Variants in DEPDC5 observed in about 807,000 individuals in gnomAD.
DEPDC5 encodes GATOR1 complex protein DEPDC5.
Under a neutral mutation model 217.3 loss-of-function variants are expected in DEPDC5, and 73 were observed. The observed-to-expected ratio is 0.34, with a 90% CI of 0.28 to 0.41. The LOEUF (loss-of-function observed/expected upper bound fraction) is 0.41, where lower values mean the gene tolerates loss of function less well. DEPDC5 is among the 10% of genes least tolerant of loss of function. The pLI, the probability that DEPDC5 is intolerant of heterozygous loss-of-function variation, is 1.00. For synonymous variants in DEPDC5, 733 were observed against 756.7 expected, an observed-to-expected ratio of 0.97 and a Z score of 0.51; for missense variants, 1,675 against 2,070.1, an observed-to-expected ratio of 0.81 and a Z score of 3.70.
intron 31 of DEPDC5, among the ~76,000 whole-genome samples, chr22:31,847,392 T>A (rs2091800544): frequency 6.6e-6 from 1 of 151,312 alleles, no homozygotes; most frequent in Non-Finnish European, 1.5e-5. Flanking sequence ...TATTAGTCCA[T>A]TCTCACACTG....
At chr22:31,765,140 G>A in intron 5 of DEPDC5, 80 bp downstream of exon 5, 1 of 1,111,098 alleles carries the variant, frequency 9.0e-7, no homozygotes, top group Non-Finnish European at 1.4e-6. Flanking sequence ...GAAACAATGG[G>A]TTACTTAAGT....
At chr22:31,794,395 C>T (rs1165586721) in intron 12 of DEPDC5, among the ~76,000 whole-genome samples, 1 of 151,964 alleles carries the variant, frequency 6.6e-6, no homozygotes, top group African/African-American at 2.4e-5. Flanking sequence ...TGAGCATGAT[C>T]AGTTATACAA....
Position 31,792,115 on chromosome 22 carries a change from T to C in DEPDC5, c.694+13T>C. The C allele has an allele frequency of 6.3e-7, 1 of 1,588,434 alleles. No homozygotes were observed. Among genetic ancestry groups the C allele is most frequent in the Non-Finnish European group, 8.6e-7 (1 of 1,158,358 alleles). On this transcript the variant is annotated intron_variant, in intron 11 of 42. Transcript: ENST00000651528. ...GCAAAATCTGTTGGTGAGTAACTAT[T>C]TCTCTCCTACAGTTATGTTTTTGTT...
chr22:31,816,390 C>G (rs749136230), intron 21 of DEPDC5: 3 of 150,574 alleles, frequency 2.0e-5, no homozygotes, highest in Admixed American at 1.3e-4. Context: ...TATTCCCATA[C>G]TATCAGTTTT....
At chr22:31,769,333 T>A (rs1401379859) in intron 7 of DEPDC5, 1 of 151,508 alleles carries the variant, frequency 6.6e-6, no homozygotes, top group Non-Finnish European at 1.5e-5. Context: ...GTTTGAGGCT[T>A]ATTAATGGAA....
At chr22:31,887,993 A>G (rs2093354547) in intron 38 of DEPDC5, among the ~76,000 whole-genome samples, 2 of 152,110 alleles carry the variant, frequency 1.3e-5, no homozygotes, top group Non-Finnish European at 2.9e-5. Context: ...TTTTGTTTCA[A>G]CATGTTCCTT....
intron 40 of DEPDC5, among the ~76,000 whole-genome samples, chr22:31,900,099 T>G (rs1383414672): frequency 6.6e-6 from 1 of 152,120 alleles, no homozygotes; most frequent in African/African-American, 2.4e-5. Flanking sequence ...CAGGCTGGAG[T>G]GCAGTGGCGC....
At position 31,821,616 on chromosome 22, in the gene DEPDC5, C is replaced by A. The variant is rs369804656; in HGVS notation, c.1985C>A (p.Ala662Glu). The A allele has an allele frequency of 6.2e-7, 1 of 1,613,702 alleles. No homozygotes were observed. The highest frequency in any genetic ancestry group is 8.5e-7 in the Non-Finnish European group (1 of 1,179,712). The change falls in exon 23 of 43, where the codon GCA becomes GAA. Residue 662 changes from alanine to glutamate, a missense_variant. Physicochemically the swap from Ala to Glu is moderately radical, Grantham distance 107 (BLOSUM62 -1). Coordinates refer to ENST00000651528, the MANE Select transcript of DEPDC5 (RefSeq NM_001242896.3). ...THSSAELLEL[A>E]YHEAAGRHSN... is the part of the protein sequence containing the mutation. ...TCCTCTGCAGAGCTGCTGGAGTTAG[C>A]ATATCATGAAGCTGCTGGAAGGTGA...
chr22:31,763,417 A>G (rs932391186), intron 4 of DEPDC5, among the ~76,000 whole-genome samples: 1 of 149,218 alleles, frequency 6.7e-6, no homozygotes, highest in Non-Finnish European at 1.5e-5. Flanking sequence ...GAGCCACTGC[A>G]CCATTGCCCC....
chr22:31,763,744 ATT>A (rs2082593693), intron 4 of DEPDC5, among the ~76,000 whole-genome samples: 1 of 151,972 alleles, frequency 6.6e-6, no homozygotes, highest in Admixed American at 6.6e-5. Flanking sequence ...ATCCACTCAT[ATT>A]TAACAATTCA....
intron 33 of DEPDC5, 69 bp from the exon 34 acceptor site, chr22:31,870,521 C>T (rs2092811406): frequency 2.1e-6 from 3 of 1,412,396 alleles, no homozygotes; most frequent in South Asian, 1.6e-5. Flanking sequence ...TAAGCCAGTA[C>T]AGCTTATTTA....
chr22:31,801,019 G>C (rs2086813391), intron 14 of DEPDC5, among the ~76,000 whole-genome samples: 1 of 150,390 alleles, frequency 6.6e-6, no homozygotes, highest in Admixed American at 6.7e-5. Context: ...TAGGCTGGCT[G>C]CAGTGGCTGA....
At chr22:31,802,588 C>T in intron 14 of DEPDC5, 116 bp from the exon 15 acceptor site, 1 of 1,179,472 alleles carries the variant, frequency 8.5e-7, no homozygotes, top group Middle Eastern at 2.6e-4. Context: ...TAGAATGTGG[C>T]AGTTGCTATA....
chr22:31,894,282 A>G (rs1297151200), intron 39 of DEPDC5: 3 of 151,480 alleles, frequency 2.0e-5, no homozygotes, highest in African/African-American at 7.3e-5. Flanking sequence ...TTCAGCAGAG[A>G]TGGTAGCATT....
At chr22:31,842,288 T>C (rs1236797709) in intron 27 of DEPDC5, among the ~76,000 whole-genome samples, 1 of 152,098 alleles carries the variant, frequency 6.6e-6, no homozygotes, top group South Asian at 2.1e-4. Flanking sequence ...AGAAACAACA[T>C]GAGCAGGCTG....
At chr22:31,765,359 G>A (rs142923009) in intron 5 of DEPDC5, among the ~76,000 whole-genome samples, 10,296 of 151,976 alleles carry the variant, frequency 0.068, 438 homozygotes, top group South Asian at 0.18. Context: ...GCGTGATCTC[G>A]GCTCACTGCA....
intron 34 of DEPDC5, among the ~76,000 whole-genome samples, chr22:31,871,343 T>C (rs2149236963): frequency 6.6e-6 from 1 of 152,346 alleles, no homozygotes; most frequent in African/African-American, 2.4e-5. Context: ...GGCAAAATCA[T>C]CTAAGAGACT....
At chr22:31,805,745 G>A (rs1283928145) in intron 17 of DEPDC5, among the ~76,000 whole-genome samples, 1 of 152,060 alleles carries the variant, frequency 6.6e-6, no homozygotes, top group African/African-American at 2.4e-5. Flanking sequence ...TGGCAAAGCT[G>A]CAGCTATTAG....
chr22:31,843,540 G>T, intron 28 of DEPDC5, 105 bp from the exon 29 acceptor site: 1 of 1,375,956 alleles, frequency 7.3e-7, no homozygotes, highest in South Asian at 1.5e-5. Flanking sequence ...CAGTTGAGGG[G>T]TAAATGTCAA....
Sources: gnomAD v4.1 joint callset for allele counts (sites outside exome capture counted in the v4.1 genomes callset) on GRCh38, gnomAD v4.1.1 for gene constraint, MANE v1.5 for transcripts, NCBI Gene and HGNC (gene_info 2026-07-23, HGNC 2026-07-21) for gene names.